Variants in GRIP1 observed in about 807,000 individuals in gnomAD.
GRIP1 encodes the protein glutamate receptor-interacting protein 1.
GRIP1 carries 45 observed loss-of-function variants against 129.9 expected under a neutral mutation model. The observed-to-expected ratio is 0.35, with a 90% CI of 0.27 to 0.44. GRIP1 has a LOEUF of 0.44. GRIP1 is among the 20% of genes least tolerant of loss of function. The probability of loss-of-function intolerance (pLI) is 1.00; values close to 1 mark genes in which losing one functional copy is unlikely to be tolerated. For synonymous variants in GRIP1, 530 were observed against 520.8 expected (o/e 1.02, Z -0.24); for missense variants, 1,196 against 1,396.8 (o/e 0.86, Z 2.29).
intron 2 of GRIP1, chr12:66,568,063 A>G (rs2139469881): frequency 4.2e-6 from 1 of 237,674 alleles, no homozygotes; most frequent in East Asian, 1.1e-4. Flanking sequence ...ATAAACACTC[A>G]GCATAAAAGG....
At chr12:66,469,118 A>C (rs189395869) in intron 7 of GRIP1, among the ~76,000 whole-genome samples, 3 of 152,366 alleles carry the variant, frequency 2.0e-5, no homozygotes, top group Non-Finnish European at 4.4e-5. Flanking sequence ...ACAAGGCTCA[A>C]GGCTGGAGCT....
intron 4 of GRIP1, among the ~76,000 whole-genome samples, chr12:66,533,403 T>C (rs1196384924): frequency 6.6e-6 from 1 of 151,824 alleles, no homozygotes; most frequent in Non-Finnish European, 1.5e-5. Flanking sequence ...CCCAGCACTT[T>C]AGGAGGCTGA....
At position 66,924,783 on chromosome 12, in the gene GRIP1, C is replaced by T. The variant is rs145109968; in HGVS notation, c.58+144267G>A. Among the ~76,000 whole-genome samples, 99 of 152,174 alleles carry T rather than the reference C, an allele frequency of 6.5e-4. 2 individuals carry two copies. In the East Asian group the frequency reaches 0.012, roughly 19 times the overall value. ...GAGATCGAGACCATCCTGGCTAACA[C>T]GGTGAAACCCCGTCTCTATTAAAAA... On this transcript the variant is annotated intron_variant, in intron 1 of 1. Transcript: ENST00000643019.
intron 1 of GRIP1, among the ~76,000 whole-genome samples, chr12:66,935,510 G>A (rs2041469055): frequency 6.6e-6 from 1 of 152,104 alleles, no homozygotes; most frequent in South Asian, 2.1e-4. Context: ...TACTTGTGGG[G>A]AGAGGAAAAG....
intron 1 of GRIP1, among the ~76,000 whole-genome samples, chr12:66,827,383 TGTGTGAGAGA>T (rs140415390): frequency 0.21 from 22,606 of 109,822 alleles, 1,794 homozygotes; most frequent in East Asian, 0.43. Context: ...TGTGTGTGTG[TGTGTGAGAGA>T]GAGAGAGAGA....
At chr12:66,877,974 C>T (rs1049860478) in intron 1 of GRIP1, among the ~76,000 whole-genome samples, 1 of 152,080 alleles carries the variant, frequency 6.6e-6, no homozygotes, top group African/African-American at 2.4e-5. Context: ...GTAATTTTAA[C>T]TCAAGAAAGA....
At chr12:66,586,219 T>C (rs1263092333) in intron 2 of GRIP1, among the ~76,000 whole-genome samples, 1 of 152,196 alleles carries the variant, frequency 6.6e-6, no homozygotes, top group Non-Finnish European at 1.5e-5. Context: ...GAATCTATTT[T>C]TGTCAGGGTC....
chr12:66,744,405 T>G (rs1368465694), intron 1 of GRIP1, among the ~76,000 whole-genome samples: 1 of 152,162 alleles, frequency 6.6e-6, no homozygotes. Context: ...ATAAACATAA[T>G]GCCCTATATG....
intron 1 of GRIP1, among the ~76,000 whole-genome samples, chr12:67,002,688 T>A (rs1341936596): frequency 5.3e-5 from 8 of 152,246 alleles, no homozygotes; most frequent in Admixed American, 2.0e-4. Context: ...AGTCATGCAA[T>A]CATTTCTAAG....
At chr12:66,793,657 A>G (rs1389529939) in intron 1 of GRIP1, among the ~76,000 whole-genome samples, 1 of 152,138 alleles carries the variant, frequency 6.6e-6, no homozygotes, top group Non-Finnish European at 1.5e-5. Flanking sequence ...TCAGGAGTTT[A>G]TCAACCCATC....
At chr12:66,679,192 T>C, upstream of GRIP1, 1 of 1,282,684 alleles carries the variant, frequency 7.8e-7, no homozygotes, top group Non-Finnish European at 1.0e-6. Context: ...AAGCACCAAA[T>C]TGTACAAAGC....
At chr12:66,891,255 C>T (rs2040652790) in intron 1 of GRIP1, among the ~76,000 whole-genome samples, 1 of 152,158 alleles carries the variant, frequency 6.6e-6, no homozygotes, top group Non-Finnish European at 1.5e-5. Context: ...TCATACAAGG[C>T]CTTGCATAGC....
chr12:66,480,616 CA>C (rs1239686508), intron 7 of GRIP1, among the ~76,000 whole-genome samples: 1 of 152,048 alleles, frequency 6.6e-6, no homozygotes, highest in African/African-American at 2.4e-5. Context: ...CAATCCTAAG[CA>C]AAAAGAACAA....
intron 1 of GRIP1, among the ~76,000 whole-genome samples, chr12:66,867,094 T>C (rs1396944131): frequency 3.9e-5 from 6 of 152,174 alleles, no homozygotes; most frequent in Non-Finnish European, 8.8e-5. Flanking sequence ...GTTCAAGTGA[T>C]TCTCCTGCTT....
chr12:67,063,481 AT>A (rs2043569896), intron 1 of GRIP1, among the ~76,000 whole-genome samples: 1 of 152,194 alleles, frequency 6.6e-6, no homozygotes. Flanking sequence ...TTTTATATTT[AT>A]ATTTAAGAAT....
At chr12:66,934,456 C>T (rs1359111795) in intron 1 of GRIP1, among the ~76,000 whole-genome samples, 2 of 152,156 alleles carry the variant, frequency 1.3e-5, no homozygotes, top group Admixed American at 6.5e-5. Context: ...CCACACTGTA[C>T]AGTAATCATT....
At chr12:66,713,758 T>C (rs527908183) in intron 1 of GRIP1, among the ~76,000 whole-genome samples, 151 of 152,200 alleles carry the variant, frequency 9.9e-4, no homozygotes, top group Non-Finnish European at 1.8e-3. Flanking sequence ...CAGAAACTTA[T>C]CATGTTGTTA....
intron 1 of GRIP1, among the ~76,000 whole-genome samples, chr12:66,964,417 C>T (rs1049941036): frequency 5.3e-5 from 8 of 152,084 alleles, no homozygotes; most frequent in African/African-American, 1.9e-4. Context: ...GCTTACTGCC[C>T]TAATGCCTAA....
At chr12:66,849,752 T>C (rs182465344) in intron 1 of GRIP1, among the ~76,000 whole-genome samples, 4 of 152,342 alleles carry the variant, frequency 2.6e-5, no homozygotes, top group African/African-American at 7.2e-5. Context: ...AAAAGGCATG[T>C]GGGCTAGCCC....
Sources: allele counts gnomAD v4.1 joint callset (sites outside exome capture counted in the v4.1 genomes callset), GRCh38; gene constraint gnomAD v4.1.1; transcripts MANE v1.5; gene names NCBI Gene and HGNC (gene_info 2026-07-23, HGNC 2026-07-21).